Variants in VRK3 observed in about 807,000 individuals in gnomAD.
VRK3 encodes the protein VRK serine/threonine kinase 3.
Under a neutral mutation model 60.4 loss-of-function variants are expected in VRK3, and 50 were observed. That is an observed-to-expected ratio of 0.83 (90% CI 0.66 to 1.05). VRK3 has a LOEUF of 1.05. VRK3 is among the 50% of genes least tolerant of loss of function. The probability of loss-of-function intolerance (pLI) is 0.00; values close to 1 mark genes in which losing one functional copy is unlikely to be tolerated. For missense variants in VRK3, 549 were observed against 585.3 expected (o/e 0.94, Z 0.64); for synonymous variants, 246 against 227.8 (o/e 1.08, Z -0.72).
Position 49,988,456 on chromosome 19 carries a change from T to C in VRK3, c.1133A>G (p.Tyr378Cys), listed in dbSNP as rs761318800. 26 of 1,613,488 alleles carry C rather than the reference T, an allele frequency of 1.6e-5. No individual in the cohort carries two copies. In the South Asian group the frequency reaches 2.1e-4, roughly 13 times the overall value. ...CCCGTAGAGCCACTTCAGCATGCAG[T>C]AGCCCAGGCTCTGGAGGTCGCTGCG... is the stretch of plus-strand genomic sequence containing the variant. ...SRRSDLQSLG[Y>C]CMLKWLYGFL... The change falls in exon 12 of 15, where the codon TAC becomes TGC. Residue 378 changes from tyrosine (Y) to cysteine (C), a missense_variant. Physicochemically the swap from Tyr to Cys is radical, Grantham distance 194. Coordinates refer to ENST00000316763, the MANE Select transcript of VRK3 (RefSeq NM_016440.4).
intron 1 of VRK3, chr19:50,024,883 G>A (rs895018389): frequency 3.9e-5 from 6 of 152,212 alleles, no homozygotes; most frequent in African/African-American, 1.4e-4. Context: ...TCAGGAAACA[G>A]CACAGCAAAA....
At chr19:49,996,229 TG>T (rs1047573212) in intron 7 of VRK3, among the ~76,000 whole-genome samples, 1 of 151,798 alleles carries the variant, frequency 6.6e-6, no homozygotes, top group Non-Finnish European at 1.5e-5. Flanking sequence ...CTTTTTTTTT[TG>T]TATTTTCAAT....
At chr19:50,024,559 T>C (rs143854809) in intron 1 of VRK3, among the ~76,000 whole-genome samples, 2 of 152,332 alleles carry the variant, frequency 1.3e-5, no homozygotes, top group East Asian at 3.9e-4. Flanking sequence ...CCTGAGAATG[T>C]GAATTAGCTG....
At position 50,006,608 on chromosome 19, in the gene VRK3, C is replaced by T. The variant is rs561252641; in HGVS notation, c.547+961G>A. On this transcript the variant is annotated intron_variant, in intron 5 of 14. Transcript: ENST00000316763. ...GCCAGGATGGTCTCGATCTCCTGAC[C>T]TCGTGATCCGCCTGTCTCGGCCTCC... 4.6e-5 allele frequency among the ~76,000 whole-genome samples: 7 copies of T among 152,248 alleles called. No homozygotes were observed. In the South Asian group the frequency reaches 1.5e-3, roughly 32 times the overall value.
chr19:50,000,913 T>C, intron 5 of VRK3, 59 bp from the exon 6 acceptor site: 1 of 1,511,574 alleles, frequency 6.6e-7, no homozygotes, highest in Non-Finnish European at 9.0e-7. Flanking sequence ...AGGGTCATCA[T>C]CCCCAAACTT....
intron 7 of VRK3, 81 bp from the exon 8 acceptor site, chr19:49,995,356 C>A: frequency 7.8e-7 from 1 of 1,289,364 alleles, no homozygotes; most frequent in Non-Finnish European, 1.1e-6. Context: ...AGAGAAGAAG[C>A]ACAGAGTGCC....
intron 5 of VRK3, chr19:50,001,285 G>A (rs903327742): frequency 4.2e-5 from 7 of 168,646 alleles, no homozygotes; most frequent in Non-Finnish European, 9.0e-5. Context: ...TAACAGCCCC[G>A]AGCACTGAGC....
chr19:49,980,911 T>C (rs1396738879), intron 13 of VRK3, 44 bp downstream of exon 13: 1 of 1,575,306 alleles, frequency 6.3e-7, no homozygotes, highest in Non-Finnish European at 8.6e-7. Flanking sequence ...AGCCACCAGG[T>C]CCTGCCCGAG....
chr19:49,997,310 G>T, intron 7 of VRK3, 194 bp downstream of exon 7: 1 of 530,448 alleles, frequency 1.9e-6, no homozygotes, highest in Non-Finnish European at 3.3e-6. Flanking sequence ...GCTTCCAAGA[G>T]CTGGTGTGAG....
At position 50,016,145 on chromosome 19, in the gene VRK3, T is replaced by C; in HGVS notation, c.18A>G (p.Pro6=). 6.2e-7 allele frequency: 1 copy of C among 1,614,208 alleles called. No homozygotes were observed. Among genetic ancestry groups the C allele is most frequent in the Non-Finnish European group, 8.5e-7 (1 of 1,180,052 alleles). MISFC[P]DCGKSIQAAF... The stretch of plus-strand genomic sequence containing the variant: ...CCGCTTGGATACTTTTGCCACAGTC[T>C]GGACAGAAGGAGATCATGCTACAAA... The change falls in exon 3 of 15, where the codon CCA becomes CCG. Residue 6 remains proline, a synonymous_variant. Transcript: ENST00000316763.
At chr19:49,981,069 T>C (rs2076413985) in intron 12 of VRK3, 56 bp from the exon 13 acceptor site, 1 of 1,496,402 alleles carries the variant, frequency 6.7e-7, no homozygotes, top group Non-Finnish European at 9.2e-7. Context: ...AGCAACCTTT[T>C]AAAACAGAAT....
intron 5 of VRK3, among the ~76,000 whole-genome samples, chr19:50,006,814 C>A (rs1053370489): frequency 1.3e-5 from 2 of 152,240 alleles, no homozygotes; most frequent in African/African-American, 4.8e-5. Context: ...ACAGTTAATA[C>A]TAATACTACT....
At chr19:50,003,014 A>G (rs1417424802) in intron 5 of VRK3, among the ~76,000 whole-genome samples, 1 of 152,006 alleles carries the variant, frequency 6.6e-6, no homozygotes, top group African/African-American at 2.4e-5. Context: ...CACTCTACTC[A>G]TTTCACTCTC....
rs965846668 is a variant in VRK3, at chr19:49,997,275, G to A, written c.679+229C>T. 1.1e-5 allele frequency: 5 copies of A among 451,050 alleles called. No homozygotes were observed. The highest frequency in any genetic ancestry group is 3.8e-5 in the East Asian group (1 of 26,168). 27.9% of individuals were successfully genotyped at this position (451,050 alleles called of 1,614,324 possible). ...GCTGGGAGTATAGGCGTCAACCCAC[G>A]CCCAGCCTGAAAATTTAATACTTGG... On this transcript the variant is annotated intron_variant, in intron 7 of 14. Coordinates refer to ENST00000316763, the MANE Select transcript of VRK3 (RefSeq NM_016440.4).
rs982947196 is a variant in VRK3 at position 49,995,023 on chromosome 19, G to A, written c.765-104C>T. The A allele has an allele frequency of 3.8e-6, 5 of 1,305,342 alleles. No homozygotes were observed. The African/African-American group carries it at 7.4e-5, about 19-fold the overall frequency. 80.9% of individuals were successfully genotyped at this position (1,305,342 alleles called of 1,614,324 possible). ...CGTGGGCTGCAAGGTCCTGGTCCCA[G>A]GTGAGATCAAAGGTTCTGACTGGCT... On this transcript the variant is annotated intron_variant, in intron 8 of 14. Coordinates refer to ENST00000316763, the MANE Select transcript of VRK3 (RefSeq NM_016440.4).
At chr19:50,023,350 T>C (rs537031167) in intron 1 of VRK3, among the ~76,000 whole-genome samples, 2 of 152,326 alleles carry the variant, frequency 1.3e-5, no homozygotes, top group South Asian at 2.1e-4. Context: ...CACGCCTGGC[T>C]AATTTTATAT....
chr19:49,978,729 A>C (rs2076372605), intron 14 of VRK3: 1 of 185,028 alleles, frequency 5.4e-6, no homozygotes, highest in Admixed American at 5.3e-5. Flanking sequence ...GGAAGGACAG[A>C]GGGAGGCATG....
At chr19:49,982,012 T>TG in intron 12 of VRK3, 1 of 652,944 alleles carries the variant, frequency 1.5e-6, no homozygotes, top group Admixed American at 2.2e-5. Context: ...AGGCTGTCTG[T>TG]GGCTGACTCA....
At chr19:49,998,457 G>C (rs1568792675) in intron 6 of VRK3, 1 of 147,730 alleles carries the variant, frequency 6.8e-6, no homozygotes, top group Non-Finnish European at 1.5e-5. Context: ...TCCAGCCTGG[G>C]TGACAGAGTG....
Sources: gnomAD v4.1 joint callset for allele counts (sites outside exome capture counted in the v4.1 genomes callset) on GRCh38, gnomAD v4.1.1 for gene constraint, MANE v1.5 for transcripts, NCBI Gene and HGNC (gene_info 2026-07-23, HGNC 2026-07-21) for gene names.